The following MGAT5 variants were observed in gnomAD, a reference collection of about 807,000 sequenced individuals.
The protein encoded by MGAT5 is alpha-1,6-mannosylglycoprotein 6-beta-N-acetylglucosaminyltransferase.
MGAT5 carries 30 observed loss-of-function variants against 94.3 expected under a neutral mutation model. The observed-to-expected ratio is 0.32, with a 90% CI of 0.24 to 0.43. The LOEUF (loss-of-function observed/expected upper bound fraction) is 0.43, where lower values mean the gene tolerates loss of function less well. MGAT5 is among the 20% of genes least tolerant of loss of function. The probability of loss-of-function intolerance (pLI) is 1.00; values close to 1 mark genes in which losing one functional copy is unlikely to be tolerated. For missense variants in MGAT5, 691 were observed against 905.5 expected (o/e 0.76, Z 3.04); for synonymous variants, 310 against 322.9 (o/e 0.96, Z 0.43).
Position 134,294,402 on chromosome 2 carries a change from G to A in MGAT5, c.407-23127G>A, listed in dbSNP as rs895127771. 4.6e-5 allele frequency among the ~76,000 whole-genome samples: 7 copies of A among 152,192 alleles called. No homozygotes were observed. In the East Asian group the frequency reaches 1.2e-3, roughly 25 times the overall value. On this transcript the variant is annotated intron_variant, in intron 2 of 15. Transcript: ENST00000281923. ...ACAAACCACTAAGACTAAGTATTCG[G>A]GGTATGATGTTCATATTTCTGAGAC...
chr2:134,190,901 G>A (rs1296369177), intron 1 of MGAT5, among the ~76,000 whole-genome samples: 1 of 152,000 alleles, frequency 6.6e-6, no homozygotes, highest in Non-Finnish European at 1.5e-5. Context: ...TGCCCGTCTC[G>A]GCCTCCCAGA....
At chr2:134,343,820 G>A (rs553198531) in intron 7 of MGAT5, among the ~76,000 whole-genome samples, 1 of 152,226 alleles carries the variant, frequency 6.6e-6, no homozygotes, top group South Asian at 2.1e-4. Context: ...TATTGTTTAC[G>A]TATCATATAT....
intron 2 of MGAT5, among the ~76,000 whole-genome samples, chr2:134,305,526 G>T (rs773249893): frequency 6.6e-6 from 1 of 152,104 alleles, no homozygotes; most frequent in Non-Finnish European, 1.5e-5. Flanking sequence ...TTGCAAAAAG[G>T]AAATACAAAT....
intron 1 of MGAT5, among the ~76,000 whole-genome samples, chr2:134,258,596 G>A (rs1252441799): frequency 6.6e-6 from 1 of 152,170 alleles, no homozygotes; most frequent in Non-Finnish European, 1.5e-5. Flanking sequence ...GTCTCTGGGT[G>A]AGTCTCTCTC....
rs566150105 is a variant in MGAT5 at position 134,437,995 on chromosome 2, A to T, written c.1870-3763A>T. 4.7e-5 allele frequency among the ~76,000 whole-genome samples: 7 copies of T among 148,666 alleles called. No individual in the cohort carries two copies. The East Asian group carries it at 1.4e-3, about 30-fold the overall frequency. ...ATGCCACTGCACTCCTGCCTGGGTG[A>T]CACAGCGAGACTCCGTCTCAAAAAA... is the stretch of plus-strand genomic sequence containing the variant. On this transcript the variant is annotated intron_variant, in intron 14 of 15. Transcript: ENST00000281923.
Position 134,350,777 on chromosome 2 carries a change from T to C in MGAT5, c.1246+839T>C, listed in dbSNP as rs530220912. Reference sequence around the variant, plus strand: ...TCCTTAGTAATGAGATGAAGTCCTATTCCAGAAGTGAAAGGCCACATGAGA... The same window carrying C: ...TCCTTAGTAATGAGATGAAGTCCTACTCCAGAAGTGAAAGGCCACATGAGA... On this transcript the variant is annotated intron_variant, in intron 9 of 15. Transcript: ENST00000281923. Among the ~76,000 whole-genome samples, 41 of 152,270 alleles carry C rather than the reference T, an allele frequency of 2.7e-4. 1 individual carries two copies. In the South Asian group the frequency reaches 7.9e-3, roughly 29 times the overall value.
chr2:134,198,184 G>A (rs1178484096), intron 1 of MGAT5, among the ~76,000 whole-genome samples: 1 of 152,186 alleles, frequency 6.6e-6, no homozygotes, highest in African/African-American at 2.4e-5. Flanking sequence ...ATTGAAAAAT[G>A]AAACTGATTT....
Position 134,360,125 on chromosome 2 carries a change from A to T in MGAT5, c.1247-2150A>T, listed in dbSNP as rs149847008. Among the ~76,000 whole-genome samples, 287 of 152,288 alleles carry T rather than the reference A, an allele frequency of 1.9e-3. 2 individuals carry two copies. The highest frequency in any genetic ancestry group is 6.4e-3 in the African/African-American group (264 of 41,550). On this transcript the variant is annotated intron_variant, in intron 9 of 15. Transcript: ENST00000281923. ...CCACACTTGCAGGTTGTTGATCCCTAAGTTAACATTTCACAAGGTGAGACA... is the reference window on the plus strand; with the variant it reads ...CCACACTTGCAGGTTGTTGATCCCTTAGTTAACATTTCACAAGGTGAGACA...
At chr2:134,367,707 G>A (rs529465299) in intron 10 of MGAT5, among the ~76,000 whole-genome samples, 1 of 152,322 alleles carries the variant, frequency 6.6e-6, no homozygotes, top group South Asian at 2.1e-4. Flanking sequence ...GTATGATTGA[G>A]GCTGGTGGAT....
chr2:134,293,790 G>A (rs1343041716), intron 2 of MGAT5, among the ~76,000 whole-genome samples: 1 of 152,134 alleles, frequency 6.6e-6, no homozygotes, highest in African/African-American at 2.4e-5. Flanking sequence ...GATTTTGATA[G>A]CAGCCAAACC....
At chr2:134,227,664 G>A (rs6761127) in intron 1 of MGAT5, among the ~76,000 whole-genome samples, 1,808 of 152,284 alleles carry the variant, frequency 0.012, 45 homozygotes, top group African/African-American at 0.041. Flanking sequence ...GACCTTGGGA[G>A]GGAAAACTTT....
At chr2:134,213,527 A>G (rs1680312627) in intron 1 of MGAT5, among the ~76,000 whole-genome samples, 2 of 152,146 alleles carry the variant, frequency 1.3e-5, no homozygotes, top group African/African-American at 4.8e-5. Context: ...TGCATACCCT[A>G]CAAGTTTAGG....
chr2:134,297,290 T>G lies in MGAT5; in HGVS notation c.407-20239T>G, dbSNP rs550158224. Among the ~76,000 whole-genome samples, 12 of 151,714 alleles carry G rather than the reference T, an allele frequency of 7.9e-5. No homozygotes were observed. The South Asian group carries it at 2.5e-3, about 32-fold the overall frequency. ...TTTTCCTACAAAGAAAAACCCATGC[T>G]CAGATGGCTTCACTGGTGAATTCTT... is the stretch of plus-strand genomic sequence containing the variant. On this transcript the variant is annotated intron_variant, in intron 2 of 15. Coordinates refer to ENST00000281923, the MANE Select transcript of MGAT5 (RefSeq NM_002410.5).
intron 14 of MGAT5, among the ~76,000 whole-genome samples, chr2:134,433,043 T>C (rs1558883455): frequency 6.6e-6 from 1 of 152,188 alleles, no homozygotes. Context: ...TTTTGCAGCA[T>C]TTCCGTCACC....
intron 1 of MGAT5, among the ~76,000 whole-genome samples, chr2:134,180,400 G>T (rs1688677695): frequency 6.6e-6 from 1 of 152,088 alleles, no homozygotes; most frequent in Non-Finnish European, 1.5e-5. Flanking sequence ...AATTCCTCTT[G>T]GTAAAGTCAA....
rs931712627 is a variant in MGAT5, at chr2:134,176,640, G to T, written c.-143+56349G>T. ...GATAAGAATAAACGACTAGAAAAATGACATTTAAAAAGTCTATAATACAAG... is the reference window on the plus strand; with the variant it reads ...GATAAGAATAAACGACTAGAAAAATTACATTTAAAAAGTCTATAATACAAG... On this transcript the variant is annotated intron_variant, in intron 1 of 16. Transcript: ENST00000409645. Among the ~76,000 whole-genome samples, 17 of 145,262 alleles carry T rather than the reference G, an allele frequency of 1.2e-4. 2 individuals are homozygous for T. The South Asian group carries it at 3.3e-3, about 29-fold the overall frequency.
chr2:134,298,871 T>C (rs1685853001), intron 2 of MGAT5, among the ~76,000 whole-genome samples: 1 of 152,094 alleles, frequency 6.6e-6, no homozygotes, highest in African/African-American at 2.4e-5. Flanking sequence ...GCAGGAAGCA[T>C]GAAAGCAATT....
At chr2:134,177,144 C>CATGTGTATGTGTGTGTGTGTGT (rs1553488519) in intron 1 of MGAT5, among the ~76,000 whole-genome samples, 1 of 142,530 alleles carries the variant, frequency 7.0e-6, no homozygotes, top group African/African-American at 2.8e-5. Context: ...CAAATGAACC[C>CATGTGTATGTGTGTGTGTGTGT]GTGTGTGTGT....
intron 1 of MGAT5, among the ~76,000 whole-genome samples, chr2:134,174,966 C>T (rs1573794378): frequency 6.6e-6 from 1 of 152,212 alleles, no homozygotes; most frequent in Non-Finnish European, 1.5e-5. Context: ...AGAATCCCCA[C>T]GGTTGCACTC....
Sources: allele counts gnomAD v4.1 joint callset (sites outside exome capture counted in the v4.1 genomes callset), GRCh38; gene constraint gnomAD v4.1.1; transcripts MANE v1.5; gene names NCBI Gene and HGNC (gene_info 2026-07-23, HGNC 2026-07-21).